The following COLEC10 variants were observed in gnomAD, a reference collection of about 807,000 sequenced individuals.
COLEC10 encodes the protein collectin subfamily member 10.
COLEC10 carries 22 observed loss-of-function variants against 28.4 expected under a neutral mutation model. That is an observed-to-expected ratio of 0.78 (90% CI 0.55 to 1.11). The LOEUF (loss-of-function observed/expected upper bound fraction) is 1.11, where lower values mean the gene tolerates loss of function less well. Among genes scored for constraint, COLEC10 ranks in the 50% least tolerant of loss-of-function variants. The pLI is 0.00. For missense variants in COLEC10, 361 were observed against 344.1 expected (o/e 1.05, Z -0.39); for synonymous variants, 125 against 116.1 (o/e 1.08, Z -0.49).
intron 1 of COLEC10, chr8:119,009,405 A>G (rs1406432325): frequency 4.0e-5 from 6 of 150,576 alleles, no homozygotes; most frequent in Non-Finnish European, 8.8e-5. Flanking sequence ...GCTGGTTGTT[A>G]TAAGACAAGG....
intron 2 of COLEC10, among the ~76,000 whole-genome samples, chr8:119,059,318 A>G (rs1263249957): frequency 6.6e-6 from 1 of 151,962 alleles, no homozygotes; most frequent in Admixed American, 6.6e-5. Flanking sequence ...TGTTTTTTTC[A>G]AGAAGTTTTA....
Position 119,105,884 on chromosome 8 carries a change from G to A in COLEC10, c.527G>A (p.Cys176Tyr). ...EKNYRESLTHCRIRGGMLAMP... is the reference protein window; with the variant it reads ...EKNYRESLTHYRIRGGMLAMP... Reference sequence around the variant, plus strand: ...AACTACAGGGAATCCCTAACCCACTGCAGGATTCGGGGTGGAATGCTAGCC... The same window carrying A: ...AACTACAGGGAATCCCTAACCCACTACAGGATTCGGGGTGGAATGCTAGCC... Residue 176 changes from cysteine to tyrosine, a missense_variant, in exon 6 of 6, where the codon TGC becomes TAC. Transcript: ENST00000332843. 1 of 1,613,756 alleles carries A rather than the reference G, an allele frequency of 6.2e-7. No individual in the cohort carries two copies.
intron 2 of COLEC10, among the ~76,000 whole-genome samples, chr8:119,026,932 AGGCTGATTGCTGGG>A (rs1351981964): frequency 2.0e-5 from 3 of 152,132 alleles, no homozygotes; most frequent in African/African-American, 7.2e-5. Flanking sequence ...ACTTCTAATG[AGGCTGATTGCTGGG>A]GGCTGAAGGC....
At chr8:119,014,530 TC>T (rs1454541439) in intron 2 of COLEC10, among the ~76,000 whole-genome samples, 1 of 150,684 alleles carries the variant, frequency 6.6e-6, no homozygotes, top group Non-Finnish European at 1.5e-5. Flanking sequence ...GAATACAACA[TC>T]CTAGATGTAG....
At chr8:119,058,131 T>C (rs1360864244) in intron 2 of COLEC10, among the ~76,000 whole-genome samples, 1 of 152,064 alleles carries the variant, frequency 6.6e-6, no homozygotes, top group Non-Finnish European at 1.5e-5. Flanking sequence ...AGGACTTCTC[T>C]CCAAAATAGA....
the COLEC10 span, among the ~76,000 whole-genome samples, chr8:118,965,144 C>T: frequency 2.0e-5 from 3 of 152,260 alleles, no homozygotes; most frequent in Non-Finnish European, 4.4e-5. Flanking sequence ...AGTGCAATGA[C>T]TATTCTATTA....
Position 119,089,689 on chromosome 8 carries a change from G to A in COLEC10, c.158G>A (p.Gly53Asp). ...TISPGPKGDD[G>D]EKGDPGEEGK... is the part of the protein sequence containing the mutation. Reference sequence around the variant, plus strand: ...TTTTCTGTTTCAAAAGGAGATGATGGTGAAAAAGGAGATCCAGGAGAAGAG... The same window carrying A: ...TTTTCTGTTTCAAAAGGAGATGATGATGAAAAAGGAGATCCAGGAGAAGAG... The change falls in exon 2 of 6, where the codon GGT (glycine) becomes GAT (aspartate). Residue 53 changes from glycine to aspartate, a missense_variant. Physicochemically the swap from Gly to Asp is moderately conservative, Grantham distance 94. Coordinates refer to ENST00000332843, the MANE Select transcript of COLEC10 (RefSeq NM_006438.5). 3.7e-6 allele frequency: 6 copies of A among 1,613,320 alleles called. No individual in the cohort carries two copies. Among genetic ancestry groups the A allele is most frequent in the Non-Finnish European group, 5.1e-6 (6 of 1,179,428 alleles).
chr8:118,999,685 G>A (rs1435832718), intron 1 of COLEC10, among the ~76,000 whole-genome samples: 2 of 151,958 alleles, frequency 1.3e-5, no homozygotes, highest in African/African-American at 4.8e-5. Context: ...CAAAAGCCTA[G>A]AAAATGAAGT....
At chr8:119,080,689 T>C (rs1025206401) in intron 1 of COLEC10, among the ~76,000 whole-genome samples, 6 of 152,160 alleles carry the variant, frequency 3.9e-5, no homozygotes, top group Non-Finnish European at 7.4e-5. Context: ...TGTAAGGATG[T>C]ATAAAATGAA....
chr8:119,049,942 G>A (rs911502758), intron 2 of COLEC10, among the ~76,000 whole-genome samples: 1 of 152,160 alleles, frequency 6.6e-6, no homozygotes, highest in African/African-American at 2.4e-5. Flanking sequence ...AAGCTATTAG[G>A]AGGAGAGTTA....
chr8:119,021,441 A>G (rs540952387), intron 2 of COLEC10, among the ~76,000 whole-genome samples: 39 of 152,244 alleles, frequency 2.6e-4, no homozygotes, highest in African/African-American at 6.0e-4. Context: ...GCAGTTTAGG[A>G]GCAGAGAATG....
the COLEC10 span, among the ~76,000 whole-genome samples, chr8:118,976,358 G>A: frequency 1.3e-5 from 2 of 151,992 alleles, no homozygotes; most frequent in Non-Finnish European, 2.9e-5. Context: ...GTTGACATAT[G>A]TGTTTTCATA....
At chr8:119,040,609 A>G (rs1814477531) in intron 2 of COLEC10, among the ~76,000 whole-genome samples, 2 of 152,232 alleles carry the variant, frequency 1.3e-5, no homozygotes, top group Admixed American at 1.3e-4. Flanking sequence ...TAATGAAACT[A>G]TCCATATAGA....
chr8:118,967,140 T>C, the COLEC10 span, among the ~76,000 whole-genome samples: 1 of 152,158 alleles, frequency 6.6e-6, no homozygotes, highest in South Asian at 2.1e-4. Flanking sequence ...GGTGATTTTA[T>C]ATCTATACTG....
chr8:119,091,216 G>A lies in COLEC10; in HGVS notation c.288G>A (p.Lys96=). The A allele has an allele frequency of 6.2e-7, 1 of 1,611,798 alleles. No individual in the cohort carries two copies. Among genetic ancestry groups the A allele is most frequent in the Non-Finnish European group, 8.5e-7 (1 of 1,178,432 alleles). ...TTGGCAAGACTGGGCCCATTGGGAA[G>A]AAGGGTAAGTTGCATCTTACTATTC... is the stretch of plus-strand genomic sequence containing the variant. ...GNIGKTGPIG[K]KGDKGEKGLL... Residue 96 remains lysine (K), a synonymous_variant, in exon 3 of 6, where the codon AAG becomes AAA. Transcript: ENST00000332843.
At chr8:119,025,645 C>A (rs1005613084) in intron 2 of COLEC10, among the ~76,000 whole-genome samples, 12 of 152,132 alleles carry the variant, frequency 7.9e-5, no homozygotes, top group Non-Finnish European at 1.6e-4. Flanking sequence ...TGAGAATTCC[C>A]TTTTGGGAAC....
chr8:119,105,245 G>A (rs1010442590), intron 5 of COLEC10, among the ~76,000 whole-genome samples: 5 of 152,114 alleles, frequency 3.3e-5, no homozygotes, highest in East Asian at 1.9e-4. Context: ...GCAGGCAAAC[G>A]ATGAGACTAA....
chr8:119,042,609 A>G (rs373890600), intron 2 of COLEC10, among the ~76,000 whole-genome samples: 2 of 152,204 alleles, frequency 1.3e-5, no homozygotes, highest in African/African-American at 4.8e-5. Flanking sequence ...CTCAGAGAGA[A>G]TGAGGACCAA....
chr8:119,079,653 A>C lies in COLEC10; in HGVS notation c.149-10027A>C, dbSNP rs560471385. Among the ~76,000 whole-genome samples the C allele has an allele frequency of 5.3e-5, 8 of 149,590 alleles. No individual in the cohort carries two copies. The Admixed American group carries it at 5.4e-4, about 10-fold the overall frequency. On this transcript the variant is annotated intron_variant, in intron 1 of 5. Transcript: ENST00000332843. The stretch of plus-strand genomic sequence containing the variant: ...TCAGACATGCAATGACTGCAAAATA[A>C]TTGCAGGCTCCAAGTGATCGTTCTT...
Sources: gnomAD v4.1 joint callset for allele counts (sites outside exome capture counted in the v4.1 genomes callset) on GRCh38, gnomAD v4.1.1 for gene constraint, MANE v1.5 for transcripts, NCBI Gene and HGNC (gene_info 2026-07-23, HGNC 2026-07-21) for gene names.